The following CDH11 variants were observed in gnomAD, a reference collection of about 807,000 sequenced individuals.
CDH11 encodes cadherin-11.
A neutral mutation model predicts 67.8 loss-of-function variants in CDH11; 11 were observed. The ratio of observed to expected loss-of-function variants is 0.16; its 90% CI spans 0.10 to 0.27. The LOEUF is 0.27. CDH11 is among the 10% of genes least tolerant of loss of function. The pLI is 1.00. For synonymous variants in CDH11, 419 were observed against 400.0 expected, an observed-to-expected ratio of 1.05 and a Z score of -0.57; for missense variants, 847 against 1,031.2, an observed-to-expected ratio of 0.82 and a Z score of 2.45.
At chr16:64,959,646 A>AT (rs1305635598) in intron 11 of CDH11, among the ~76,000 whole-genome samples, 1 of 152,196 alleles carries the variant, frequency 6.6e-6, no homozygotes, top group Non-Finnish European at 1.5e-5. Flanking sequence ...AAACATGATT[A>AT]TTTACACAAG....
At chr16:65,043,275 A>G (rs769159591) in intron 2 of CDH11, among the ~76,000 whole-genome samples, 1 of 151,826 alleles carries the variant, frequency 6.6e-6, no homozygotes, top group Non-Finnish European at 1.5e-5. Context: ...GCTTGTTGCA[A>G]AATATTTAAT....
At chr16:65,072,810 A>T (rs1355109269) in intron 1 of CDH11, among the ~76,000 whole-genome samples, 1 of 152,210 alleles carries the variant, frequency 6.6e-6, no homozygotes, top group Non-Finnish European at 1.5e-5. Context: ...TGTTCTAGTC[A>T]CTAGCTGGAT....
intron 1 of CDH11, among the ~76,000 whole-genome samples, chr16:65,062,566 G>A (rs1467381213): frequency 6.6e-6 from 1 of 152,176 alleles, no homozygotes; most frequent in Non-Finnish European, 1.5e-5. Flanking sequence ...TCAAAATTAA[G>A]TGGGACTATC....
chr16:65,036,960 G>T (rs2142647529), intron 2 of CDH11, among the ~76,000 whole-genome samples: 1 of 152,282 alleles, frequency 6.6e-6, no homozygotes, highest in Admixed American at 6.5e-5. Context: ...TTTCATGCAA[G>T]AACTTTCGAT....
chr16:65,053,713 G>GATT (rs2074096341), intron 2 of CDH11, 91 bp downstream of exon 2: 1 of 430,406 alleles, frequency 2.3e-6, no homozygotes, highest in Non-Finnish European at 4.7e-6. Context: ...TCCAAATCAA[G>GATT]CCACATTTGA....
At position 64,947,379 on chromosome 16, in the gene CDH11, G is replaced by A. The variant is rs898557605; in HGVS notation, c.*224C>T. On this transcript the variant is annotated 3_prime_UTR_variant, in exon 13 of 13. Coordinates refer to ENST00000268603, the MANE Select transcript of CDH11 (RefSeq NM_001797.4). ...ATGCCAAGTGTTTTTTTTTTCTAGC[G>A]AAGTTGATAAACAACTTCAATATTT... The A allele has an allele frequency of 5.6e-5, 71 of 1,261,728 alleles. No individual in the cohort carries two copies. The African/African-American group carries it at 8.2e-4, about 14-fold the overall frequency. The allele number at this position is 1,261,728 out of a possible 1,614,324, so 78.2% of individuals were successfully genotyped here. A position where few individuals can be genotyped will look rare whatever the true frequency, so the allele number is the denominator to read the frequency against.
intron 12 of CDH11, among the ~76,000 whole-genome samples, chr16:64,949,647 A>G (rs2071302647): frequency 6.6e-6 from 1 of 151,836 alleles, no homozygotes. Context: ...GCTGGTCTTG[A>G]ACTCCCAACT....
intron 4 of CDH11, among the ~76,000 whole-genome samples, chr16:64,997,131 G>A (rs987744306): frequency 1.5e-4 from 23 of 151,630 alleles, no homozygotes; most frequent in Admixed American, 3.3e-4. Flanking sequence ...AACCCCGTCC[G>A]TAATAAAAAT....
At chr16:64,963,480 A>T (rs2071727379) in intron 11 of CDH11, among the ~76,000 whole-genome samples, 1 of 152,188 alleles carries the variant, frequency 6.6e-6, no homozygotes, top group Admixed American at 6.5e-5. Context: ...GGTGTAATAT[A>T]TATGTGATGA....
At chr16:65,109,279 T>C (rs1193619810) in intron 1 of CDH11, among the ~76,000 whole-genome samples, 2 of 152,204 alleles carry the variant, frequency 1.3e-5, no homozygotes, top group Non-Finnish European at 1.5e-5. Flanking sequence ...TCTGACCCAT[T>C]AGACAGGCTA....
chr16:64,964,571 C>T (rs541313142), intron 11 of CDH11, among the ~76,000 whole-genome samples: 16 of 151,624 alleles, frequency 1.1e-4, no homozygotes, highest in Non-Finnish European at 1.5e-4. Flanking sequence ...TATTTTGAGA[C>T]GGAGTCTTGC....
At chr16:65,072,507 C>A (rs1365759439) in intron 1 of CDH11, among the ~76,000 whole-genome samples, 3 of 152,092 alleles carry the variant, frequency 2.0e-5, no homozygotes, top group Middle Eastern at 6.8e-3. Flanking sequence ...ATCTTCTTGT[C>A]CAATTTTTTT....
intron 1 of CDH11, among the ~76,000 whole-genome samples, chr16:65,117,587 G>C (rs1458689742): frequency 2.0e-5 from 3 of 152,104 alleles, no homozygotes; most frequent in African/African-American, 7.2e-5. Context: ...ACAATATCAA[G>C]AATGGTTTAA....
Position 64,947,508 on chromosome 16 carries a change from C to A in CDH11, c.*95G>T, listed in dbSNP as rs1022067604. ...TAAAACTTTGCCTGTTTTAAATGAG[C>A]CTTTCCTTGATTTAAAAAAATACCT... On this transcript the variant is annotated 3_prime_UTR_variant, in exon 13 of 13. Coordinates refer to ENST00000268603, the MANE Select transcript of CDH11 (RefSeq NM_001797.4). 1.3e-6 allele frequency: 2 copies of A among 1,513,698 alleles called. No homozygotes were observed. The highest frequency in any genetic ancestry group is 1.4e-5 in the South Asian group (1 of 73,010). The allele number at this position is 1,513,698 out of a possible 1,614,324, so 93.8% of individuals were successfully genotyped here.
At chr16:65,118,426 C>A (rs1049096721) in intron 1 of CDH11, among the ~76,000 whole-genome samples, 1 of 151,674 alleles carries the variant, frequency 6.6e-6, no homozygotes, top group Non-Finnish European at 1.5e-5. Context: ...CTTTAGCAGA[C>A]CTGTTGATGT....
chr16:65,096,443 G>GTGTGTGTATA (rs71143551), intron 1 of CDH11, among the ~76,000 whole-genome samples: 111 of 138,442 alleles, frequency 8.0e-4, no homozygotes, highest in Non-Finnish European at 1.4e-3. Context: ...GTGTGTGTGT[G>GTGTGTGTATA]TATATATATG....
At position 64,946,216 on chromosome 16, in the gene CDH11, T is replaced by C; in HGVS notation, c.*1387A>G. 9.5e-7 allele frequency: 1 copy of C among 1,050,256 alleles called. No homozygotes were observed. Among genetic ancestry groups the C allele is most frequent in the Non-Finnish European group, 1.1e-6 (1 of 869,924 alleles). The allele number at this position is 1,050,256 out of a possible 1,614,324, so 65.1% of individuals were successfully genotyped here. On this transcript the variant is annotated 3_prime_UTR_variant, in exon 13 of 13. Transcript: ENST00000268603. ...CACATCATTTTACAATTAGTTAAAATTACAGGAGGAAAAATAAGCAGTTTC... is the reference window on the plus strand; with the variant it reads ...CACATCATTTTACAATTAGTTAAAACTACAGGAGGAAAAATAAGCAGTTTC...
intron 1 of CDH11, among the ~76,000 whole-genome samples, chr16:65,064,004 A>G (rs1416564846): frequency 6.6e-6 from 1 of 152,136 alleles, no homozygotes; most frequent in Non-Finnish European, 1.5e-5. Flanking sequence ...CATGGGCCAA[A>G]CCCAATACCA....
intron 1 of CDH11, among the ~76,000 whole-genome samples, chr16:65,064,939 G>A (rs1243255412): frequency 4.6e-5 from 7 of 152,282 alleles, no homozygotes; most frequent in East Asian, 1.9e-4. Context: ...ACAGGGAGAC[G>A]GAGGCCCAAC....
Sources: allele counts gnomAD v4.1 joint callset (sites outside exome capture counted in the v4.1 genomes callset), GRCh38; gene constraint gnomAD v4.1.1; transcripts MANE v1.5; gene names NCBI Gene and HGNC (gene_info 2026-07-23, HGNC 2026-07-21).